The following SEPTIN3 variants were observed in gnomAD, a reference collection of about 807,000 sequenced individuals.
SEPTIN3 encodes septin 3.
A neutral mutation model predicts 45.1 loss-of-function variants in SEPTIN3; 15 were observed. That is an observed-to-expected ratio of 0.33 (90% CI 0.22 to 0.51). The LOEUF (loss-of-function observed/expected upper bound fraction) is 0.51, where lower values mean the gene tolerates loss of function less well. SEPTIN3 is among the 20% of genes least tolerant of loss of function. SEPTIN3 has a pLI of 0.97. For missense variants in SEPTIN3, 289 were observed against 457.2 expected (o/e 0.63, Z 3.35); for synonymous variants, 148 against 164.8 (o/e 0.90, Z 0.78).
In SEPTIN3 at chr22:41,997,452, A is replaced by T. The variant is rs1212789880; in HGVS notation, c.*485A>T. 2 of 155,314 alleles carry T rather than the reference A, an allele frequency of 1.3e-5. No individual in the cohort carries two copies. Among genetic ancestry groups the T allele is most frequent in the Non-Finnish European group, 2.9e-5 (2 of 69,938 alleles). 9.6% of individuals were successfully genotyped at this position (155,314 alleles called of 1,614,324 possible). ...AGGGTGTCTCCTTCATTACTTAAAG[A>T]TATTCATGAGGGTGGGTCACTACAG... is the stretch of plus-strand genomic sequence containing the variant. On this transcript the variant is annotated 3_prime_UTR_variant, in exon 12 of 12. Transcript: ENST00000644076.
Position 41,987,732 on chromosome 22 carries a change from T to A in SEPTIN3, c.2018T>A (p.Leu673His). 5 of 1,613,956 alleles carry A rather than the reference T, an allele frequency of 3.1e-6. No individual in the cohort carries two copies. Among genetic ancestry groups the A allele is most frequent in the Non-Finnish European group, 4.2e-6 (5 of 1,179,844 alleles). Residue 673 changes from leucine (L) to histidine (H), a missense_variant, in exon 6 of 12, where the codon CTT becomes CAT. Transcript: ENST00000644076. ...RIPDTRVHCC[L>H]YFISPTGHSL... is the part of the protein sequence containing the mutation. ...CCTGACACTCGTGTCCACTGCTGCC[T>A]TTACTTCATCTCTCCCACAGGACAC...
At position 41,986,649 on chromosome 22, in the gene SEPTIN3, G is replaced by A. The variant is rs899276114; in HGVS notation, c.1825+537G>A. Among the ~76,000 whole-genome samples, 9 of 151,740 alleles carry A rather than the reference G, an allele frequency of 5.9e-5. No homozygotes were observed. In the East Asian group the frequency reaches 1.2e-3, roughly 20 times the overall value. ...TGAGTAGCTGGGACTACAGGCACCCGCCACCACGCCCGGCTAATTTTTTTT... is the reference window on the plus strand; with the variant it reads ...TGAGTAGCTGGGACTACAGGCACCCACCACCACGCCCGGCTAATTTTTTTT... On this transcript the variant is annotated intron_variant, in intron 4 of 11. Coordinates refer to ENST00000644076, the MANE Select transcript of SEPTIN3 (RefSeq NM_001363845.2).
Position 41,987,840 on chromosome 22 carries a change from G to A in SEPTIN3, c.2045+81G>A. On this transcript the variant is annotated intron_variant, in intron 6 of 11. Transcript: ENST00000644076. ...CCCATCTGGATTGGATGATCCATAC[G>A]TTGACTCAGCTAGGCCTCCCTAGCT... The A allele has an allele frequency of 8.1e-6, 12 of 1,483,260 alleles. No individual in the cohort carries two copies. In the Admixed American group the frequency reaches 1.1e-4, roughly 14 times the overall value. The allele number at this position is 1,483,260 out of a possible 1,614,324, so 91.9% of individuals were successfully genotyped here. A position where few individuals can be genotyped will look rare whatever the true frequency, so the allele number is the denominator to read the frequency against.
chr22:41,985,355 G>A (rs924031075), intron 3 of SEPTIN3, among the ~76,000 whole-genome samples: 1 of 152,168 alleles, frequency 6.6e-6, no homozygotes, highest in Non-Finnish European at 1.5e-5. Context: ...AAGGCTTCTG[G>A]GAGCACAATC....
chr22:41,981,479 C>T (rs2078118912), intron 2 of SEPTIN3, 166 bp from the exon 3 acceptor site: 2 of 584,744 alleles, frequency 3.4e-6, no homozygotes, highest in Non-Finnish European at 6.0e-6. Context: ...CTCCAGGCCT[C>T]AGTCTCTTTG....
chr22:41,975,399 C>T (rs2078008126), intron 2 of SEPTIN3, among the ~76,000 whole-genome samples: 1 of 152,130 alleles, frequency 6.6e-6, no homozygotes, highest in Non-Finnish European at 1.5e-5. Context: ...TGTCAGACCC[C>T]TTTCCCTCCA....
At chr22:41,970,939 T>C (rs1052530362) in intron 1 of SEPTIN3, among the ~76,000 whole-genome samples, 6 of 152,202 alleles carry the variant, frequency 3.9e-5, no homozygotes, top group Non-Finnish European at 8.8e-5. Flanking sequence ...TCTTTCTTGG[T>C]TCTGGGGCTC....
At chr22:41,993,327 G>A (rs928009309) in intron 9 of SEPTIN3, among the ~76,000 whole-genome samples, 1 of 147,740 alleles carries the variant, frequency 6.8e-6, no homozygotes, top group Non-Finnish European at 1.5e-5. Context: ...TTCAGACTCA[G>A]ATTTTTTTTT....
intron 2 of SEPTIN3, among the ~76,000 whole-genome samples, chr22:41,977,240 A>T (rs75463069): frequency 0.029 from 4,432 of 151,978 alleles, 208 homozygotes; most frequent in African/African-American, 0.1. Context: ...CGAGAGAGAC[A>T]ATCTTGGAGA....
intron 3 of SEPTIN3, among the ~76,000 whole-genome samples, chr22:41,983,026 C>G (rs1056950908): frequency 1.3e-5 from 2 of 152,198 alleles, no homozygotes; most frequent in Admixed American, 1.3e-4. Flanking sequence ...AATCAGTCAT[C>G]CAGTCCTGTC....
chr22:41,983,860 C>T (rs890104193), intron 3 of SEPTIN3, among the ~76,000 whole-genome samples: 2 of 152,208 alleles, frequency 1.3e-5, no homozygotes, highest in Non-Finnish European at 2.9e-5. Context: ...TGGTCACTCT[C>T]ACACTAAGCA....
In SEPTIN3 at chr22:41,972,026, G is replaced by A. The variant is rs112493681; in HGVS notation, c.534G>A (p.Arg178=). The A allele has an allele frequency of 2.5e-6, 1 of 399,000 alleles. No homozygotes were observed. Among genetic ancestry groups the A allele is most frequent in the African/African-American group, 2.1e-5 (1 of 48,624 alleles). 24.7% of individuals were successfully genotyped at this position (399,000 alleles called of 1,614,324 possible). ...PGNPGLTKSN[R]MLATEKPLVS... Reference sequence around the variant, plus strand: ...ACCCAGGTCTGACCAAATCCAACAGGATGCTTGCCACGGAGAAGCCCCTGG... The same window carrying A: ...ACCCAGGTCTGACCAAATCCAACAGAATGCTTGCCACGGAGAAGCCCCTGG... Residue 178 remains arginine (R), a synonymous_variant, in exon 2 of 12, where the codon AGG becomes AGA. Coordinates refer to ENST00000644076, the MANE Select transcript of SEPTIN3 (RefSeq NM_001363845.2).
At position 41,991,649 on chromosome 22, in the gene SEPTIN3, C is replaced by T. The variant is rs918204868; in HGVS notation, c.2240C>T (p.Thr747Met). 30 of 1,613,112 alleles carry T rather than the reference C, an allele frequency of 1.9e-5. No homozygotes were observed. Among genetic ancestry groups the T allele is most frequent in the African/African-American group, 4.0e-5 (3 of 74,894 alleles). ...KEFDEDLEDKTENDKIRQESM... is the reference protein window; with the variant it reads ...KEFDEDLEDKMENDKIRQESM... Reference sequence around the variant, plus strand: ...TTTGATGAGGATTTGGAGGATAAGACGGAGAATGACAAAATCAGGGTGGGT... The same window carrying T: ...TTTGATGAGGATTTGGAGGATAAGATGGAGAATGACAAAATCAGGGTGGGT... The change falls in exon 8 of 12, where the codon ACG becomes ATG. Residue 747 changes from threonine (T) to methionine (M), a missense_variant. Transcript: ENST00000644076.
chr22:41,973,042 G>A, intron 2 of SEPTIN3, 46 bp downstream of exon 2: 1 of 398,582 alleles, frequency 2.5e-6, no homozygotes, highest in Non-Finnish European at 4.4e-6. Flanking sequence ...TGCCGGGAGG[G>A]GGAGGTGTGT....
intron 11 of SEPTIN3, chr22:41,996,567 T>C (rs2146733737): frequency 9.3e-7 from 1 of 1,080,468 alleles, no homozygotes; most frequent in African/African-American, 1.7e-5. Flanking sequence ...TCTCGGTCTT[T>C]CCTGGAGGCT....
intron 2 of SEPTIN3, among the ~76,000 whole-genome samples, chr22:41,973,431 G>A (rs780709821): frequency 1.3e-5 from 2 of 151,656 alleles, no homozygotes; most frequent in Admixed American, 6.6e-5. Context: ...TGCCCAAGGC[G>A]GGCAGATCAC....
intron 11 of SEPTIN3, chr22:41,996,075 C>T (rs2078430892): frequency 3.0e-6 from 3 of 985,258 alleles, no homozygotes; most frequent in Admixed American, 6.1e-5. Context: ...TATTCCCCAT[C>T]ACTTTTGTGC....
At position 41,991,598 on chromosome 22, in the gene SEPTIN3, G is replaced by T. The variant is rs752111182; in HGVS notation, c.2189G>T (p.Gly730Val). The change falls in exon 8 of 12, where the codon GGC becomes GTC. Residue 730 changes from glycine to valine, a missense_variant. Coordinates refer to ENST00000644076, the MANE Select transcript of SEPTIN3 (RefSeq NM_001363845.2). ...GTTCGCAAGGAGCTTGAAGTAAATG[G>T]CATTGAATTCTACCCCCAGAAGGAA... is the stretch of plus-strand genomic sequence containing the variant. Reference protein sequence around the residue: ...QRVRKELEVNGIEFYPQKEFD... With the variant: ...QRVRKELEVNVIEFYPQKEFD... 9.3e-6 allele frequency: 15 copies of T among 1,613,868 alleles called. No homozygotes were observed. The highest frequency in any genetic ancestry group is 1.3e-5 in the Non-Finnish European group (15 of 1,179,770).
chr22:41,986,095 T>C lies in SEPTIN3; in HGVS notation c.1808T>C (p.Ile603Thr). The change falls in exon 4 of 12, where the codon ATC becomes ACC. Residue 603 changes from isoleucine to threonine, a missense_variant. Ile to Thr is a moderately conservative substitution (Grantham distance 89). Transcript: ENST00000644076. ...GAGAAGATCCCCAAGACAGTGGAGATCAAAGCTATCGGGCATGGTGAGGAC... is the reference window on the plus strand; with the variant it reads ...GAGAAGATCCCCAAGACAGTGGAGACCAAAGCTATCGGGCATGGTGAGGAC... The part of the protein sequence containing the change: ...REEKIPKTVE[I>T]KAIGHVIEEG... 17 of 1,613,256 alleles carry C rather than the reference T, an allele frequency of 1.1e-5. No individual in the cohort carries two copies. The highest frequency in any genetic ancestry group is 1.4e-5 in the Non-Finnish European group (16 of 1,179,654).
Sources: gnomAD v4.1 joint callset for allele counts (sites outside exome capture counted in the v4.1 genomes callset) on GRCh38, gnomAD v4.1.1 for gene constraint, MANE v1.5 for transcripts, NCBI Gene and HGNC (gene_info 2026-07-23, HGNC 2026-07-21) for gene names.